RASA3: variants seen among roughly 807,000 people sequenced by gnomAD.
RASA3 encodes the protein ras GTPase-activating protein 3.
A neutral mutation model predicts 110.0 loss-of-function variants in RASA3; 73 were observed. That is an observed-to-expected ratio of 0.66 (90% CI 0.55 to 0.81). RASA3 has a LOEUF of 0.81. RASA3 is among the 30% of genes least tolerant of loss of function. The pLI is 0.00. For synonymous variants in RASA3, 500 were observed against 451.4 expected, an observed-to-expected ratio of 1.11 and a Z score of -1.37; for missense variants, 976 against 1,113.2, an observed-to-expected ratio of 0.88 and a Z score of 1.75.
At chr13:114,076,184 G>C (rs547016316) in intron 1 of RASA3, among the ~76,000 whole-genome samples, 2 of 152,234 alleles carry the variant, frequency 1.3e-5, no homozygotes, top group Non-Finnish European at 2.9e-5. Context: ...AGCAGCTCTC[G>C]AAGGCTCCTC....
intron 2 of RASA3, among the ~76,000 whole-genome samples, chr13:114,063,367 C>T (rs1159700280): frequency 6.7e-6 from 1 of 149,428 alleles, no homozygotes; most frequent in Admixed American, 6.7e-5. Flanking sequence ...AACATAAATA[C>T]AATATTTATA....
intron 9 of RASA3, among the ~76,000 whole-genome samples, chr13:114,019,383 GC>G (rs2139312258): frequency 6.6e-6 from 1 of 152,370 alleles, no homozygotes; most frequent in South Asian, 2.1e-4. Context: ...GACGTTTTCT[GC>G]CCGGACATTC....
At chr13:114,000,333 A>G (rs980506717) in intron 19 of RASA3, among the ~76,000 whole-genome samples, 3 of 152,068 alleles carry the variant, frequency 2.0e-5, no homozygotes, top group Non-Finnish European at 2.9e-5. Context: ...GCTGGGCCCA[A>G]TGCTCGCATC....
intron 1 of RASA3, among the ~76,000 whole-genome samples, chr13:114,077,054 GGA>G: frequency 6.6e-6 from 1 of 152,136 alleles, no homozygotes; most frequent in Non-Finnish European, 1.5e-5. Context: ...TTTCTTAAAA[GGA>G]GAGAGAAAAA....
intron 1 of RASA3, among the ~76,000 whole-genome samples, chr13:114,082,526 C>T (rs545113584): frequency 1.3e-5 from 2 of 152,336 alleles, no homozygotes; most frequent in African/African-American, 4.8e-5. Flanking sequence ...GGTGGACACA[C>T]GCGCTTGAAT....
At chr13:114,029,567 T>A (rs1243187637) in intron 5 of RASA3, among the ~76,000 whole-genome samples, 2 of 37,660 alleles carry the variant, frequency 5.3e-5, no homozygotes, top group Non-Finnish European at 1.1e-4. Context: ...ATCATCCTGG[T>A]GGGCCAGGAC....
intron 3 of RASA3, among the ~76,000 whole-genome samples, chr13:114,049,662 G>A (rs1046187718): frequency 1.3e-5 from 2 of 152,238 alleles, no homozygotes; most frequent in Admixed American, 6.5e-5. Context: ...CTCAATTCGC[G>A]CGTGGCGCCC....
chr13:114,093,452 ATGT>A (rs1174083201), intron 1 of RASA3, among the ~76,000 whole-genome samples: 1 of 152,166 alleles, frequency 6.6e-6, no homozygotes, highest in Non-Finnish European at 1.5e-5. Flanking sequence ...TCTCCCCAAA[ATGT>A]TGTTTGCTTC....
At chr13:114,106,490 G>A (rs373672324) in intron 1 of RASA3, among the ~76,000 whole-genome samples, 17 of 152,198 alleles carry the variant, frequency 1.1e-4, no homozygotes, top group Admixed American at 3.3e-4. Flanking sequence ...AACTCATTAC[G>A]TGTAACAATA....
chr13:114,027,520 A>T, intron 6 of RASA3, 59 bp from the exon 7 acceptor site: 2 of 1,367,498 alleles, frequency 1.5e-6, no homozygotes, highest in Non-Finnish European at 2.1e-6. Flanking sequence ...CAAGTCTCTC[A>T]GTGGTAAAAC....
intron 3 of RASA3, among the ~76,000 whole-genome samples, chr13:114,045,343 CGGAA>C: frequency 6.6e-6 from 1 of 152,306 alleles, no homozygotes; most frequent in Admixed American, 6.5e-5. Flanking sequence ...CACGAGAGGC[CGGAA>C]GGGTCACTTT....
chr13:114,113,442 A>C (rs1327461902), intron 1 of RASA3, among the ~76,000 whole-genome samples: 2 of 152,232 alleles, frequency 1.3e-5, no homozygotes, highest in African/African-American at 4.8e-5. Context: ...GCTTCTGACG[A>C]ATTTCTTAAA....
At chr13:114,061,628 G>A (rs1397452914) in intron 2 of RASA3, among the ~76,000 whole-genome samples, 2 of 146,980 alleles carry the variant, frequency 1.4e-5, no homozygotes, top group East Asian at 2.0e-4. Context: ...AGTGAACCGA[G>A]ATCGCACCAC....
chr13:114,041,127 G>T, intron 3 of RASA3, 33 bp from the exon 4 acceptor site: 1 of 1,587,070 alleles, frequency 6.3e-7, no homozygotes, highest in Non-Finnish European at 8.6e-7. Flanking sequence ...TTCACCACGG[G>T]CACAGGCCCC....
intron 2 of RASA3, among the ~76,000 whole-genome samples, chr13:114,061,743 T>C (rs1179304679): frequency 1.3e-5 from 2 of 148,638 alleles, no homozygotes; most frequent in Non-Finnish European, 3.0e-5. Flanking sequence ...AGCCATGGAG[T>C]CTAACACGAT....
At chr13:114,078,134 G>A (rs924908386) in intron 1 of RASA3, among the ~76,000 whole-genome samples, 11 of 152,130 alleles carry the variant, frequency 7.2e-5, no homozygotes, top group Non-Finnish European at 1.2e-4. Flanking sequence ...TGGCCACGTC[G>A]CCCCGGGGCC....
At chr13:114,050,188 C>G (rs2079121451) in intron 3 of RASA3, among the ~76,000 whole-genome samples, 1 of 152,200 alleles carries the variant, frequency 6.6e-6, no homozygotes, top group Admixed American at 6.5e-5. Context: ...CAGGCAGACA[C>G]TGAGCAAGGG....
rs775030532 is a variant in RASA3, at chr13:114,014,041, T to TCTCTCTCTCCGTCTGTCTCTGC, written c.1406-815_1406-794dup. ...CTCCATCTCTCTCTCTCCGTCTCTA[T>TCTCTCTCTCCGTCTGTCTCTGC]CTCTCTCTCCGTCTGTCTCTGCCTC... On this transcript the variant is annotated intron_variant, in intron 14 of 23. Coordinates refer to ENST00000334062, the MANE Select transcript of RASA3 (RefSeq NM_007368.4). The surrounding 1 kb of genome is among the most constrained non-coding windows in gnomAD (Gnocchi z 4.5). 1.3e-4 allele frequency among the ~76,000 whole-genome samples: 19 copies of TCTCTCTCTCCGTCTGTCTCTGC among 146,528 alleles called. No homozygotes were observed. The highest frequency in any genetic ancestry group is 2.4e-4 in the Non-Finnish European group (16 of 66,504).
chr13:114,021,668 C>G (rs781044422), intron 8 of RASA3, among the ~76,000 whole-genome samples, 160 bp from the exon 9 acceptor site: 1 of 152,182 alleles, frequency 6.6e-6, no homozygotes, highest in Non-Finnish European at 1.5e-5. Context: ...TCAAACACGT[C>G]AGACCAGCCT....
Sources: allele counts gnomAD v4.1 joint callset (sites outside exome capture counted in the v4.1 genomes callset), GRCh38; gene constraint gnomAD v4.1.1; non-coding constraint Gnocchi (gnomAD v3.1); transcripts MANE v1.5; gene names NCBI Gene and HGNC (gene_info 2026-07-23, HGNC 2026-07-21).